The following BCAR3 variants were observed in gnomAD, a reference collection of about 807,000 sequenced individuals.
BCAR3 encodes BCAR3 adaptor protein, NSP family member, also known as breast cancer anti-estrogen resistance protein 3.
A neutral mutation model predicts 80.1 loss-of-function variants in BCAR3; 37 were observed. The ratio of observed to expected loss-of-function variants is 0.46; its 90% CI spans 0.36 to 0.61. BCAR3 has a LOEUF of 0.61. Ranked by LOEUF, BCAR3 falls within the 20% of genes least tolerant of loss-of-function variation. The probability of loss-of-function intolerance (pLI) is 0.00; values close to 1 mark genes in which losing one functional copy is unlikely to be tolerated. For synonymous variants in BCAR3, 389 were observed against 418.9 expected, an observed-to-expected ratio of 0.93 and a Z score of 0.87; for missense variants, 978 against 1,068.2, an observed-to-expected ratio of 0.92 and a Z score of 1.18.
chr1:93,567,989 C>G (rs1235802899), intron 9 of BCAR3, 138 bp from the exon 10 acceptor site: 2 of 613,066 alleles, frequency 3.3e-6, no homozygotes, highest in Non-Finnish European at 5.8e-6. Flanking sequence ...GAGTTCAAGA[C>G]CAGTCTGGCC....
chr1:93,806,848 C>A (rs546726375), intron 2 of BCAR3, among the ~76,000 whole-genome samples: 15 of 152,232 alleles, frequency 9.9e-5, no homozygotes, highest in African/African-American at 3.6e-4. Context: ...CTGGGCATGG[C>A]GGCTCATACC....
At chr1:93,824,385 G>GC (rs1654315051) in intron 2 of BCAR3, among the ~76,000 whole-genome samples, 1 of 133,744 alleles carries the variant, frequency 7.5e-6, no homozygotes, top group African/African-American at 2.5e-5. Context: ...CAGGTCAGGG[G>GC]CCAGGAGCAG....
chr1:93,828,823 G>A (rs1174753302), intron 2 of BCAR3, among the ~76,000 whole-genome samples: 1 of 152,116 alleles, frequency 6.6e-6, no homozygotes, highest in Non-Finnish European at 1.5e-5. Context: ...CTCCCAAGTA[G>A]CTAGGACTAC....
chr1:93,829,366 G>C (rs1654480212), intron 2 of BCAR3, among the ~76,000 whole-genome samples: 1 of 152,050 alleles, frequency 6.6e-6, no homozygotes, highest in African/African-American at 2.4e-5. Flanking sequence ...AAGAGGGTGA[G>C]AGACCTGGTG....
Position 93,592,893 on chromosome 1 carries a change from T to C in BCAR3, c.358-500A>G, listed in dbSNP as rs1402426936. Among the ~76,000 whole-genome samples, 19 of 152,250 alleles carry C rather than the reference T, an allele frequency of 1.2e-4. No homozygotes were observed. Among genetic ancestry groups the C allele is most frequent in the African/African-American group, 3.9e-4 (16 of 41,466 alleles). On this transcript the variant is annotated intron_variant, in intron 3 of 11. Coordinates refer to ENST00000260502, the MANE Select transcript of BCAR3 (RefSeq NM_003567.4). This position sits in a 1 kb window ranked among gnomAD's most constrained non-coding sequence, Gnocchi z 4.8. The stretch of plus-strand genomic sequence containing the variant: ...CTGTTGGTAAACTCATGTTCAGGAA[T>C]TGAGTCAGTCTTTAGAAACTTTTAG...
chr1:93,699,321 AG>A (rs1429212337), intron 3 of BCAR3, among the ~76,000 whole-genome samples: 2 of 152,128 alleles, frequency 1.3e-5, no homozygotes, highest in Non-Finnish European at 2.9e-5. Context: ...GAACAGAAAA[AG>A]TTTGAAGAGT....
intron 2 of BCAR3, among the ~76,000 whole-genome samples, chr1:93,762,062 C>T (rs1355216144): frequency 1.3e-5 from 2 of 152,146 alleles, no homozygotes; most frequent in Non-Finnish European, 2.9e-5. Flanking sequence ...ACCAGGGTCC[C>T]ACAGAAGCAG....
intron 11 of BCAR3, among the ~76,000 whole-genome samples, chr1:93,562,663 C>T (rs698931): frequency 3.4e-5 from 5 of 148,420 alleles, no homozygotes; most frequent in East Asian, 2.1e-4. Context: ...CCCAGCTACT[C>T]GGGAGGCTGA....
At chr1:93,756,020 G>A (rs1048940962) in intron 2 of BCAR3, among the ~76,000 whole-genome samples, 6 of 152,112 alleles carry the variant, frequency 3.9e-5, no homozygotes, top group African/African-American at 7.2e-5. Context: ...GGGAGAATAC[G>A]TCCCCAGTTT....
At chr1:93,763,661 C>T (rs1652037846) in intron 2 of BCAR3, among the ~76,000 whole-genome samples, 1 of 152,178 alleles carries the variant, frequency 6.6e-6, no homozygotes, top group African/African-American at 2.4e-5. Flanking sequence ...TTTTCTGGCT[C>T]CTGCCCACCT....
At chr1:93,743,257 T>C (rs369913114) in intron 2 of BCAR3, among the ~76,000 whole-genome samples, 1 of 152,212 alleles carries the variant, frequency 6.6e-6, no homozygotes, top group African/African-American at 2.4e-5. Context: ...ACATTTCATC[T>C]AATAGGGAAT....
chr1:93,574,357 G>A (rs115541777), intron 8 of BCAR3, among the ~76,000 whole-genome samples: 100 of 152,310 alleles, frequency 6.6e-4, no homozygotes, highest in Non-Finnish European at 1.1e-3. Flanking sequence ...GATATCATGT[G>A]ACACATCAGG....
intron 2 of BCAR3, among the ~76,000 whole-genome samples, chr1:93,799,953 A>G (rs967371450): frequency 6.6e-6 from 1 of 152,214 alleles, no homozygotes; most frequent in Non-Finnish European, 1.5e-5. Flanking sequence ...AGGAGTGTGT[A>G]GGGATTTGGG....
intron 2 of BCAR3, among the ~76,000 whole-genome samples, chr1:93,729,054 T>C (rs1271240342): frequency 6.6e-6 from 1 of 152,204 alleles, no homozygotes; most frequent in East Asian, 1.9e-4. Flanking sequence ...ACACATGGTA[T>C]ATCTGCTGTA....
At chr1:93,804,274 C>T (rs1024994621) in intron 2 of BCAR3, among the ~76,000 whole-genome samples, 1 of 152,108 alleles carries the variant, frequency 6.6e-6, no homozygotes, top group Non-Finnish European at 1.5e-5. Flanking sequence ...CCATTTTGGA[C>T]CTCTTGTAAA....
chr1:93,831,098 T>C (rs1460568854), intron 2 of BCAR3, among the ~76,000 whole-genome samples: 1 of 152,142 alleles, frequency 6.6e-6, no homozygotes, highest in Non-Finnish European at 1.5e-5. Context: ...TTAATCACTG[T>C]GGGGACGCCT....
At chr1:93,744,962 A>C (rs1651306273) in intron 2 of BCAR3, among the ~76,000 whole-genome samples, 1 of 152,170 alleles carries the variant, frequency 6.6e-6, no homozygotes, top group Non-Finnish European at 1.5e-5. Flanking sequence ...ACCCAAAGGC[A>C]TTTCTTTTTT....
chr1:93,810,577 C>T (rs1653807710), intron 2 of BCAR3, among the ~76,000 whole-genome samples: 1 of 152,196 alleles, frequency 6.6e-6, no homozygotes, highest in South Asian at 2.1e-4. Context: ...CATCATCCTT[C>T]TCCATGCATG....
At chr1:93,789,949 C>A (rs142583826) in intron 2 of BCAR3, among the ~76,000 whole-genome samples, 1 of 152,182 alleles carries the variant, frequency 6.6e-6, no homozygotes, top group African/African-American at 2.4e-5. Context: ...CTTTTGTAAG[C>A]CTTGGGACTT....
Sources: gnomAD v4.1 joint callset for allele counts (sites outside exome capture counted in the v4.1 genomes callset) on GRCh38, gnomAD v4.1.1 for gene constraint, Gnocchi (gnomAD v3.1) non-coding constraint, MANE v1.5 for transcripts, NCBI Gene and HGNC (gene_info 2026-07-23, HGNC 2026-07-21) for gene names.